The following ARHGAP10 variants were observed in gnomAD, a reference collection of about 807,000 sequenced individuals.
ARHGAP10 encodes Rho GTPase activating protein 10.
In ARHGAP10, 87 loss-of-function variants were observed where a neutral mutation model predicts 108.6. The observed-to-expected ratio is 0.80, with a 90% CI of 0.67 to 0.96. ARHGAP10 has a LOEUF of 0.96. ARHGAP10 is among the 40% of genes least tolerant of loss of function. The probability of loss-of-function intolerance (pLI) is 0.00; values close to 1 mark genes in which losing one functional copy is unlikely to be tolerated. For synonymous variants in ARHGAP10, 347 were observed against 341.1 expected (o/e 1.02, Z -0.19); for missense variants, 939 against 954.5 (o/e 0.98, Z 0.21).
intron 18 of ARHGAP10, among the ~76,000 whole-genome samples, chr4:148,009,841 A>T (rs1331912832): frequency 6.6e-6 from 1 of 152,072 alleles, no homozygotes; most frequent in Non-Finnish European, 1.5e-5. Flanking sequence ...CTTTGAGTCG[A>T]GTTTCCTTTT....
intron 6 of ARHGAP10, chr4:147,865,164 A>G (rs760415154): frequency 3.8e-5 from 18 of 479,618 alleles, no homozygotes; most frequent in Non-Finnish European, 5.9e-5. Flanking sequence ...CACTGATAAT[A>G]CACGTAATAT....
intron 1 of ARHGAP10, among the ~76,000 whole-genome samples, chr4:147,760,594 T>C (rs1451472505): frequency 1.3e-5 from 2 of 152,238 alleles, no homozygotes; most frequent in Admixed American, 6.5e-5. Flanking sequence ...CCTGGTGTTC[T>C]GATGGACTTA....
chr4:147,972,904 G>T (rs1429800472), intron 18 of ARHGAP10, among the ~76,000 whole-genome samples: 2 of 152,028 alleles, frequency 1.3e-5, no homozygotes, highest in Admixed American at 6.6e-5. Context: ...ACAGGCATGT[G>T]CCACCATGCC....
chr4:147,762,309 A>G (rs1729619602), intron 1 of ARHGAP10, among the ~76,000 whole-genome samples: 1 of 151,832 alleles, frequency 6.6e-6, no homozygotes, highest in Admixed American at 6.6e-5. Flanking sequence ...CGTCCTGCCC[A>G]GAAATTCATT....
Position 147,965,122 on chromosome 4 carries a change from T to G in ARHGAP10, c.1549T>G (p.Leu517Val). The G allele has an allele frequency of 6.3e-7, 1 of 1,599,892 alleles. No individual in the cohort carries two copies. Among genetic ancestry groups the G allele is most frequent in the Non-Finnish European group, 8.5e-7 (1 of 1,172,392 alleles). The change falls in exon 17 of 23, where the codon TTA (leucine) becomes GTA (valine). Residue 517 changes from leucine to valine, a missense_variant. Transcript: ENST00000336498. ...GATGTTGGATATTTTGGTGAAACAC[T>G]TAACAAAGTAAGCCTCTTTTTCTTC... ...KEMLDILVKH[L>V]TNVSNHSKQN... is the part of the protein sequence containing the mutation.
At chr4:147,749,505 T>C (rs1231013997) in intron 1 of ARHGAP10, among the ~76,000 whole-genome samples, 3 of 152,192 alleles carry the variant, frequency 2.0e-5, no homozygotes, top group Non-Finnish European at 4.4e-5. Context: ...TTTACATTCT[T>C]TTTACCTTTA....
intron 18 of ARHGAP10, chr4:148,023,002 G>T: frequency 3.0e-6 from 1 of 328,774 alleles, no homozygotes; most frequent in Non-Finnish European, 5.6e-6. Context: ...AGTTTTATTT[G>T]TTTAGTTTTG....
intron 14 of ARHGAP10, among the ~76,000 whole-genome samples, chr4:147,940,389 C>A (rs1008806251): frequency 6.6e-6 from 1 of 152,216 alleles, no homozygotes; most frequent in Admixed American, 6.5e-5. Context: ...CATGCTCCAT[C>A]TGTGCTGATA....
chr4:147,937,560 G>T (rs140377296), intron 13 of ARHGAP10, among the ~76,000 whole-genome samples: 345 of 152,218 alleles, frequency 2.3e-3, no homozygotes, highest in Non-Finnish European at 3.9e-3. Flanking sequence ...ATTCCTTTGG[G>T]TATATACCCA....
At chr4:147,974,786 G>A (rs1338230045) in intron 18 of ARHGAP10, among the ~76,000 whole-genome samples, 1 of 152,188 alleles carries the variant, frequency 6.6e-6, no homozygotes, top group East Asian at 1.9e-4. Context: ...ATGGGCTCAT[G>A]GTTCCACAGG....
At chr4:147,789,753 G>C (rs1051313443) in intron 1 of ARHGAP10, among the ~76,000 whole-genome samples, 4 of 152,104 alleles carry the variant, frequency 2.6e-5, no homozygotes, top group African/African-American at 9.7e-5. Flanking sequence ...CTGACCTTTT[G>C]TATTTTCACT....
intron 1 of ARHGAP10, 133 bp downstream of exon 1, chr4:147,732,588 C>T (rs923330963): frequency 7.7e-6 from 10 of 1,294,744 alleles, no homozygotes; most frequent in African/African-American, 6.2e-5. Flanking sequence ...CCGGACCAGC[C>T]CAGCTCTCTC....
chr4:147,907,836 C>T (rs1430065799), intron 11 of ARHGAP10, among the ~76,000 whole-genome samples: 2 of 152,132 alleles, frequency 1.3e-5, no homozygotes, highest in African/African-American at 4.8e-5. Flanking sequence ...CATTTAGCCT[C>T]TGTAGTTTTA....
At chr4:147,868,276 G>A (rs897711372) in intron 7 of ARHGAP10, among the ~76,000 whole-genome samples, 12 of 150,932 alleles carry the variant, frequency 8.0e-5, no homozygotes, top group South Asian at 2.1e-4. Flanking sequence ...TCACTCTGTC[G>A]CTGAGGCTGA....
chr4:147,806,020 A>G, intron 1 of ARHGAP10, among the ~76,000 whole-genome samples: 1 of 152,206 alleles, frequency 6.6e-6, no homozygotes, highest in East Asian at 1.9e-4. Flanking sequence ...TGAGCCCTTT[A>G]TTATAATAAA....
rs1553955215 is a variant in ARHGAP10, at chr4:147,837,650, T to TTGTTTTTTTTTTTTTTTG, written c.313-9500_313-9499insGTTTTTTTTTTTTTTTGT. ...CTAGAATCTCTGGTCACTGTTTTTT[T>TTGTTTTTTTTTTTTTTTG]TTTTTTTTTTTTAAAGCAGTAGCTT... On this transcript the variant is annotated intron_variant, in intron 3 of 22. Transcript: ENST00000336498. Among the ~76,000 whole-genome samples the TTGTTTTTTTTTTTTTTTG allele has an allele frequency of 3.1e-4, 35 of 112,086 alleles. 2 individuals are homozygous for TTGTTTTTTTTTTTTTTTG. The highest frequency in any genetic ancestry group is 5.7e-4 in the Non-Finnish European group (31 of 54,602). 73.5% of individuals were successfully genotyped at this position (112,086 alleles called of 152,430 possible).
chr4:147,733,405 G>C (rs1337084052), intron 1 of ARHGAP10, among the ~76,000 whole-genome samples: 1 of 152,144 alleles, frequency 6.6e-6, no homozygotes, highest in Non-Finnish European at 1.5e-5. Context: ...GGAGGATGGC[G>C]GTGAATGTCC....
intron 19 of ARHGAP10, among the ~76,000 whole-genome samples, chr4:148,036,989 A>T (rs1343127148): frequency 1.3e-5 from 2 of 152,210 alleles, no homozygotes; most frequent in African/African-American, 2.4e-5. Flanking sequence ...CTTGGAAAAA[A>T]AACAGTCTTA....
intron 18 of ARHGAP10, among the ~76,000 whole-genome samples, chr4:147,981,569 C>T (rs1437396594): frequency 7.9e-5 from 12 of 152,120 alleles, no homozygotes; most frequent in African/African-American, 1.4e-4. Context: ...CTATTAGGTC[C>T]GGTTAGTCAA....
Sources: allele counts gnomAD v4.1 joint callset (sites outside exome capture counted in the v4.1 genomes callset), GRCh38; gene constraint gnomAD v4.1.1; transcripts MANE v1.5; gene names NCBI Gene and HGNC (gene_info 2026-07-23, HGNC 2026-07-21).